NFXL1: variants seen among roughly 807,000 people sequenced by gnomAD.
The protein encoded by NFXL1 is nuclear transcription factor, X-box binding like 1.
NFXL1 carries 66 observed loss-of-function variants against 123.3 expected under a neutral mutation model. The observed-to-expected ratio is 0.54, with a 90% CI of 0.44 to 0.66. The LOEUF (loss-of-function observed/expected upper bound fraction) is 0.66, where lower values mean the gene tolerates loss of function less well. Ranked by LOEUF, NFXL1 falls within the 30% of genes least tolerant of loss-of-function variation. NFXL1 has a pLI of 0.00. For synonymous variants in NFXL1, 346 were observed against 360.8 expected, an observed-to-expected ratio of 0.96 and a Z score of 0.46; for missense variants, 944 against 1,125.6, an observed-to-expected ratio of 0.84 and a Z score of 2.31.
chr4:47,900,622 C>T (rs1270235628), intron 5 of NFXL1, among the ~76,000 whole-genome samples: 1 of 152,194 alleles, frequency 6.6e-6, no homozygotes, highest in Non-Finnish European at 1.5e-5. Flanking sequence ...AAGTGTTAAC[C>T]TTCAGCTCTA....
chr4:47,881,100 T>C (rs1015275719), intron 15 of NFXL1, among the ~76,000 whole-genome samples: 2 of 152,024 alleles, frequency 1.3e-5, no homozygotes, highest in Non-Finnish European at 2.9e-5. Flanking sequence ...TAGTTACCTA[T>C]AACAATGGAT....
At chr4:47,902,461 G>A (rs991230930) in intron 5 of NFXL1, among the ~76,000 whole-genome samples, 1 of 152,102 alleles carries the variant, frequency 6.6e-6, no homozygotes, top group African/African-American at 2.4e-5. Flanking sequence ...AAATGATATT[G>A]TATAATATAC....
At position 47,851,166 on chromosome 4, in the gene NFXL1, A is replaced by G; in HGVS notation, c.2509-18T>C. The G allele has an allele frequency of 6.3e-7, 1 of 1,587,764 alleles. No homozygotes were observed. The highest frequency in any genetic ancestry group is 8.6e-7 in the Non-Finnish European group (1 of 1,157,162). On this transcript the variant is annotated intron_variant, in intron 21 of 22. Transcript: ENST00000507489. ...TCTTTTATCTGTTTATACACATACAAAAGTCAATTTACAATTTAGTCATCA... is the reference window on the plus strand; with the variant it reads ...TCTTTTATCTGTTTATACACATACAGAAGTCAATTTACAATTTAGTCATCA...
rs749047607 is a variant in NFXL1 at position 47,851,985 on chromosome 4, C to G, written c.2422-43G>C. The G allele has an allele frequency of 3.6e-6, 5 of 1,373,436 alleles. No homozygotes were observed. The African/African-American group carries it at 7.1e-5, about 20-fold the overall frequency. The allele number at this position is 1,373,436 out of a possible 1,614,324, so 85.1% of individuals were successfully genotyped here. A position where few individuals can be genotyped will look rare whatever the true frequency, so the allele number is the denominator to read the frequency against. On this transcript the variant is annotated intron_variant, in intron 20 of 22. Coordinates refer to ENST00000507489, the MANE Select transcript of NFXL1 (RefSeq NM_001278624.2). ...TTCAAATTTTAAATGATTTTTCCCT[C>G]AAAGACCTGTCTGCCATAAAAAAGC...
intron 19 of NFXL1, among the ~76,000 whole-genome samples, chr4:47,856,678 T>A (rs1734433929): frequency 6.6e-6 from 1 of 152,210 alleles, no homozygotes. Context: ...GCTGAGGCAT[T>A]CATACTAAAA....
At chr4:47,909,420 TAA>T (rs1327791310) in intron 3 of NFXL1, among the ~76,000 whole-genome samples, 1 of 152,192 alleles carries the variant, frequency 6.6e-6, no homozygotes, top group Non-Finnish European at 1.5e-5. Flanking sequence ...CAACTAGGTT[TAA>T]ACCCAGCTCT....
intron 15 of NFXL1, among the ~76,000 whole-genome samples, chr4:47,880,232 AC>A (rs1736009376): frequency 6.6e-6 from 1 of 151,962 alleles, no homozygotes; most frequent in Admixed American, 6.6e-5. Context: ...CCCTGTCTCT[AC>A]AAAAAATTAA....
chr4:47,885,712 T>A lies in NFXL1; in HGVS notation c.1665-55A>T, dbSNP rs1578021331. The A allele has an allele frequency of 2.0e-6, 3 of 1,471,002 alleles. No homozygotes were observed. In the East Asian group the frequency reaches 6.8e-5, roughly 33 times the overall value. 91.1% of individuals were successfully genotyped at this position (1,471,002 alleles called of 1,614,324 possible). A position where few individuals can be genotyped will look rare whatever the true frequency, so the allele number is the denominator to read the frequency against. On this transcript the variant is annotated intron_variant, in intron 13 of 22. Coordinates refer to ENST00000507489, the MANE Select transcript of NFXL1 (RefSeq NM_001278624.2). Reference sequence around the variant, plus strand: ...TACTTTTAGTCATTGAATAATTACATCTAAAGGACAATTATCTATTTACAT... The same window carrying A: ...TACTTTTAGTCATTGAATAATTACAACTAAAGGACAATTATCTATTTACAT...
Position 47,848,110 on chromosome 4 carries a change from T to C in NFXL1, c.*53A>G. The C allele has an allele frequency of 8.6e-7, 1 of 1,167,144 alleles. No homozygotes were observed. Among genetic ancestry groups the C allele is most frequent in the Non-Finnish European group, 1.2e-6 (1 of 818,062 alleles). The allele number at this position is 1,167,144 out of a possible 1,614,324, so 72.3% of individuals were successfully genotyped here. A position where few individuals can be genotyped will look rare whatever the true frequency, so the allele number is the denominator to read the frequency against. ...ATATACATTTTCTAATATTTCAAAT[T>C]TAACAACTTATCTAAATCCAATCTG... On this transcript the variant is annotated 3_prime_UTR_variant, in exon 23 of 23. Coordinates refer to ENST00000507489, the MANE Select transcript of NFXL1 (RefSeq NM_001278624.2).
At chr4:47,861,080 C>T (rs571368554) in intron 19 of NFXL1, among the ~76,000 whole-genome samples, 2 of 150,236 alleles carry the variant, frequency 1.3e-5, no homozygotes, top group South Asian at 2.1e-4. Flanking sequence ...AGGCTGGTCT[C>T]GAACTCCTCA....
chr4:47,849,359 T>C (rs1227297503), intron 22 of NFXL1, among the ~76,000 whole-genome samples: 1 of 152,128 alleles, frequency 6.6e-6, no homozygotes, highest in Non-Finnish European at 1.5e-5. Context: ...TTACACATAA[T>C]AATGTAATAT....
intron 15 of NFXL1, among the ~76,000 whole-genome samples, chr4:47,881,505 A>G (rs2110074936): frequency 6.6e-6 from 1 of 152,280 alleles, no homozygotes; most frequent in South Asian, 2.1e-4. Flanking sequence ...TTACCATGTG[A>G]TCCAGCAATT....
At position 47,875,304 on chromosome 4, in the gene NFXL1, G is replaced by A; in HGVS notation, c.2080-11C>T. The A allele has an allele frequency of 6.2e-7, 1 of 1,602,408 alleles. No individual in the cohort carries two copies. The highest frequency in any genetic ancestry group is 8.5e-7 in the Non-Finnish European group (1 of 1,172,988). Reference sequence around the variant, plus strand: ...GCATTCTGGGCCAGCCTGAAAAACAGCATGGAAATAAATCACCTAAGTACA... The same window carrying A: ...GCATTCTGGGCCAGCCTGAAAAACAACATGGAAATAAATCACCTAAGTACA... On this transcript the variant is annotated splice_polypyrimidine_tract_variant and intron_variant, in intron 17 of 22. Transcript: ENST00000507489.
At chr4:47,865,750 G>A (rs987317690) in intron 18 of NFXL1, among the ~76,000 whole-genome samples, 3 of 143,516 alleles carry the variant, frequency 2.1e-5, no homozygotes, top group Admixed American at 6.7e-5. Flanking sequence ...CAGCACTTTC[G>A]GAGGCCGAGG....
intron 3 of NFXL1, among the ~76,000 whole-genome samples, chr4:47,908,422 C>A (rs1430306629): frequency 6.9e-6 from 1 of 145,206 alleles, no homozygotes; most frequent in Non-Finnish European, 1.5e-5. Context: ...AGACTGTCTC[C>A]AAAAAAAAAA....
At chr4:47,854,379 T>TA (rs1211962683) in intron 20 of NFXL1, among the ~76,000 whole-genome samples, 2 of 151,778 alleles carry the variant, frequency 1.3e-5, no homozygotes, top group African/African-American at 4.8e-5. Context: ...TTCAAAGGAG[T>TA]AAGCACTGCC....
intron 19 of NFXL1, among the ~76,000 whole-genome samples, chr4:47,857,764 G>C (rs895875398): frequency 6.6e-6 from 1 of 152,162 alleles, no homozygotes; most frequent in African/African-American, 2.4e-5. Context: ...GTGGCTGCCT[G>C]TGCCAAAAGG....
At chr4:47,885,165 TAAATA>T (rs1355808119) in intron 14 of NFXL1, among the ~76,000 whole-genome samples, 3 of 151,088 alleles carry the variant, frequency 2.0e-5, no homozygotes, top group African/African-American at 4.8e-5. Flanking sequence ...AAATAAATAT[TAAATA>T]AAATATTAAA....
At chr4:47,855,209 C>A in intron 19 of NFXL1, 46 bp from the exon 20 acceptor site, 1 of 1,130,342 alleles carries the variant, frequency 8.8e-7, no homozygotes, top group South Asian at 1.4e-5. Flanking sequence ...ACATCTTGAT[C>A]ATACTCTAGT....
Sources: allele counts gnomAD v4.1 joint callset (sites outside exome capture counted in the v4.1 genomes callset), GRCh38; gene constraint gnomAD v4.1.1; transcripts MANE v1.5; gene names NCBI Gene and HGNC (gene_info 2026-07-23, HGNC 2026-07-21).